The following THTPA variants were observed in gnomAD, a reference collection of about 807,000 sequenced individuals.
THTPA encodes thiamine triphosphatase, also known as thiamine-triphosphatase.
In THTPA, 16 loss-of-function variants were observed where a neutral mutation model predicts 16.5. That is an observed-to-expected ratio of 0.97 (90% CI 0.66 to 1.47). The LOEUF (loss-of-function observed/expected upper bound fraction) is 1.47, where lower values mean the gene tolerates loss of function less well. Among genes scored for constraint, THTPA ranks in the 40% most tolerant of loss-of-function variants. The pLI is 0.00. For synonymous variants in THTPA, 110 were observed against 115.5 expected, an observed-to-expected ratio of 0.95 and a Z score of 0.30; for missense variants, 281 against 280.9, an observed-to-expected ratio of 1.00 and a Z score of 0.00.
chr14:23,530,418 TA>T, the THTPA span: 144,692 of 689,926 alleles, frequency 0.21, 20,122 homozygotes, highest in African/African-American at 0.57. Flanking sequence ...ATCATTTTAT[TA>T]AGAGTCCAGT....
chr14:23,540,442 C>T, the THTPA span, among the ~76,000 whole-genome samples: 2 of 152,214 alleles, frequency 1.3e-5, no homozygotes, highest in African/African-American at 4.8e-5. Flanking sequence ...GCCTTCCTCC[C>T]CTTTTTGTCT....
rs778198935 is a variant in THTPA at position 23,557,165 on chromosome 14, T to C, written c.408T>C (p.Asp136=). 5 of 1,614,042 alleles carry C rather than the reference T, an allele frequency of 3.1e-6. No homozygotes were observed. Among genetic ancestry groups the C allele is most frequent in the Non-Finnish European group, 3.4e-6 (4 of 1,180,014 alleles). Residue 136 remains aspartate (D), a synonymous_variant, in exon 1 of 2, where the codon GAT becomes GAC. Transcript: ENST00000288014. ...SAWKLVLLGA[D]EEEPQLRVDL... ...GGAAGCTGGTGCTCTTGGGAGCTGA[T>C]GAAGAGGAGCCACAGCTCAGGGTGG...
At chr14:23,526,020 T>G in the THTPA span, 82 of 1,535,334 alleles carry the variant, frequency 5.3e-5, 1 homozygote, top group Non-Finnish European at 7.0e-5. Flanking sequence ...GGGCCCTTCT[T>G]CTCAGTGCCC....
chr14:23,559,823 T>C lies in THTPA; in HGVS notation c.*983T>C. ...ACCGACTGGTGAAAGTGGTCGTAGG[T>C]GAGGCGCAGCTTTAGCCGCAGGGGG... On this transcript the variant is annotated 3_prime_UTR_variant, in exon 2 of 2. Transcript: ENST00000288014. 6.2e-7 allele frequency: 1 copy of C among 1,614,102 alleles called. No individual in the cohort carries two copies. Among genetic ancestry groups the C allele is most frequent in the Non-Finnish European group, 8.5e-7 (1 of 1,180,014 alleles).
the THTPA span, among the ~76,000 whole-genome samples, chr14:23,520,397 G>A: frequency 6.6e-5 from 10 of 151,616 alleles, no homozygotes; most frequent in Non-Finnish European, 1.3e-4. This position sits in a 1 kb window ranked among gnomAD's most constrained non-coding sequence, Gnocchi z 8.7. Context: ...GGGCCTCCAG[G>A]GGGGCAGCAG....
chr14:23,516,983 C>G, the THTPA span, among the ~76,000 whole-genome samples: 1 of 152,080 alleles, frequency 6.6e-6, no homozygotes, highest in South Asian at 2.1e-4. Context: ...GAGTCAACCC[C>G]GGGTGCTGCA....
chr14:23,512,736 A>G, the THTPA span: 1 of 150,294 alleles, frequency 6.7e-6, no homozygotes, highest in Non-Finnish European at 1.5e-5. Context: ...GTGTATATAT[A>G]TATGCATATA....
chr14:23,535,167 G>T, the THTPA span: 1 of 1,535,540 alleles, frequency 6.5e-7, no homozygotes, highest in South Asian at 1.2e-5. The surrounding 1 kb of genome is among the most constrained non-coding windows in gnomAD (Gnocchi z 4.5). Context: ...CTGGCTCTGA[G>T]GACCTCATGT....
At chr14:23,548,630 CTT>C in the THTPA span, among the ~76,000 whole-genome samples, 1 of 152,150 alleles carries the variant, frequency 6.6e-6, no homozygotes, top group African/African-American at 2.4e-5. Flanking sequence ...TTTTTCATCT[CTT>C]TGCTTGTGTT....
upstream of THTPA, chr14:23,551,392 G>C (rs1329767142): frequency 6.6e-6 from 1 of 152,624 alleles, no homozygotes; most frequent in African/African-American, 2.4e-5. The surrounding 1 kb of genome is among the most constrained non-coding windows in gnomAD (Gnocchi z 5.3). Flanking sequence ...ACCGAGCAGC[G>C]CGAGGCGGGG....
the THTPA span, among the ~76,000 whole-genome samples, chr14:23,528,192 A>AGAGAG: frequency 2.0e-5 from 3 of 152,288 alleles, no homozygotes; most frequent in African/African-American, 7.2e-5. Context: ...TACAGGCGTG[A>AGAGAG]GCCACCACGC....
At chr14:23,546,581 A>C in the THTPA span, among the ~76,000 whole-genome samples, 256 of 152,132 alleles carry the variant, frequency 1.7e-3, no homozygotes, top group African/African-American at 5.8e-3. The surrounding 1 kb of genome is among the most constrained non-coding windows in gnomAD (Gnocchi z 4.7). Flanking sequence ...GCTGGAAGTT[A>C]CTTCTAAATC....
the THTPA span, chr14:23,523,075 C>T: frequency 5.0e-6 from 7 of 1,404,246 alleles, no homozygotes; most frequent in East Asian, 1.8e-4. The surrounding 1 kb of genome is among the most constrained non-coding windows in gnomAD (Gnocchi z 4.1). Flanking sequence ...CTTCTTTCCC[C>T]CAAGAGCCTG....
the THTPA span, chr14:23,525,789 G>A: frequency 2.0e-6 from 3 of 1,491,484 alleles, no homozygotes; most frequent in African/African-American, 2.8e-5. This position sits in a 1 kb window ranked among gnomAD's most constrained non-coding sequence, Gnocchi z 5.9. Context: ...GACAGCACAG[G>A]TGCAGGCCCA....
Position 23,558,543 on chromosome 14 carries a change from G to C in THTPA, c.548-152G>C. 9.4e-6 allele frequency: 9 copies of C among 959,434 alleles called. 1 individual carries two copies. In the South Asian group the frequency reaches 1.4e-4, roughly 15 times the overall value. 59.4% of individuals were successfully genotyped at this position (959,434 alleles called of 1,614,324 possible). On this transcript the variant is annotated intron_variant, in intron 1 of 1. Transcript: ENST00000288014. ...CACTTCCACAGGCAGGCAGGGAGTGGACTAGTGTGTTACAGAAGCTGGGTG... is the reference window on the plus strand; with the variant it reads ...CACTTCCACAGGCAGGCAGGGAGTGCACTAGTGTGTTACAGAAGCTGGGTG...
the THTPA span, chr14:23,529,866 G>A: frequency 1.6e-6 from 2 of 1,279,450 alleles, no homozygotes; most frequent in Non-Finnish European, 2.2e-6. Flanking sequence ...ACTAGAGAAA[G>A]GGCAGGAAAC....
chr14:23,547,436 A>T, the THTPA span, among the ~76,000 whole-genome samples: 2 of 152,148 alleles, frequency 1.3e-5, no homozygotes, highest in Non-Finnish European at 2.9e-5. Context: ...CACATTTGCC[A>T]ACTCTCTCTT....
In THTPA at chr14:23,557,139, T is replaced by C; in HGVS notation, c.382T>C (p.Trp128Arg). ...TAGTTTTGTGACTAAGCGGAGTGCCTGGAAGCTGGTGCTCTTGGGAGCTGA... is the reference window on the plus strand; with the variant it reads ...TAGTTTTGTGACTAAGCGGAGTGCCCGGAAGCTGGTGCTCTTGGGAGCTGA... ...VASFVTKRSA[W>R]KLVLLGADEE... The change falls in exon 1 of 2, where the codon TGG becomes CGG. Residue 128 changes from tryptophan to arginine, a missense_variant. Trp to Arg is a moderately radical substitution (Grantham distance 101). Transcript: ENST00000288014. 1.2e-6 allele frequency: 2 copies of C among 1,614,158 alleles called. No homozygotes were observed. Among genetic ancestry groups the C allele is most frequent in the East Asian group, 4.5e-5 (2 of 44,882 alleles).
chr14:23,560,036 T>G lies in THTPA; in HGVS notation c.*1196T>G. 1 of 1,599,226 alleles carries G rather than the reference T, an allele frequency of 6.3e-7. No individual in the cohort carries two copies. The highest frequency in any genetic ancestry group is 8.6e-7 in the Non-Finnish European group (1 of 1,169,294). Reference sequence around the variant, plus strand: ...GGGGCCTGCAGCTGCAGCTGGAGACTCTGAACACAGGAGTTTAACAGAGCA... The same window carrying G: ...GGGGCCTGCAGCTGCAGCTGGAGACGCTGAACACAGGAGTTTAACAGAGCA... On this transcript the variant is annotated 3_prime_UTR_variant, in exon 2 of 2. Coordinates refer to ENST00000288014, the MANE Select transcript of THTPA (RefSeq NM_024328.6).
Sources: gnomAD v4.1 joint callset for allele counts (sites outside exome capture counted in the v4.1 genomes callset) on GRCh38, gnomAD v4.1.1 for gene constraint, Gnocchi (gnomAD v3.1) non-coding constraint, MANE v1.5 for transcripts, NCBI Gene and HGNC (gene_info 2026-07-23, HGNC 2026-07-21) for gene names.